VILL: variants seen among roughly 807,000 people sequenced by gnomAD.
VILL encodes the protein villin like.
In VILL, 102 loss-of-function variants were observed where a neutral mutation model predicts 106.3. The ratio of observed to expected loss-of-function variants is 0.96; its 90% confidence interval spans 0.82 to 1.13. VILL has a LOEUF of 1.13. Ranked by LOEUF, VILL falls within the 50% of genes most tolerant of loss-of-function variation. The pLI, the probability that VILL is intolerant of heterozygous loss-of-function variation, is 0.00. For synonymous variants in VILL, 431 were observed against 440.3 expected (o/e 0.98, Z 0.27); for missense variants, 1,076 against 1,116.6 (o/e 0.96, Z 0.52).
Position 38,007,147 on chromosome 3 carries a change from G to A in VILL, c.*92G>A. 4.6e-6 allele frequency: 5 copies of A among 1,079,814 alleles called. No individual in the cohort carries two copies. In the South Asian group the frequency reaches 5.5e-5, roughly 12 times the overall value. The allele number at this position is 1,079,814 out of a possible 1,614,324, so 66.9% of individuals were successfully genotyped here. On this transcript the variant is annotated 3_prime_UTR_variant, in exon 20 of 20. Transcript: ENST00000383759. Reference sequence around the variant, plus strand: ...GCTTCCACTCCCCTCAGAGGCTTTTGGTCATCCTCTGCGTGTCAGTAAAAG... The same window carrying A: ...GCTTCCACTCCCCTCAGAGGCTTTTAGTCATCCTCTGCGTGTCAGTAAAAG...
chr3:38,005,305 C>T (rs1041720014), intron 16 of VILL, among the ~76,000 whole-genome samples: 1 of 152,164 alleles, frequency 6.6e-6, no homozygotes, highest in African/African-American at 2.4e-5. Flanking sequence ...CTGCTGCAGC[C>T]ACAATGGCCT....
chr3:38,006,954 G>T lies in VILL; in HGVS notation c.2470G>T (p.Asp824Tyr), dbSNP rs1350548544. The change falls in exon 20 of 20, where the codon GAC (aspartate) becomes TAC (tyrosine). Residue 824 changes from aspartate (D) to tyrosine (Y), a missense_variant. Physicochemically the swap from Asp to Tyr is radical, Grantham distance 160. Transcript: ENST00000383759. ...DPARREFYLS[D>Y]SDFQDIFGKS... Reference sequence around the variant, plus strand: ...CTCCCCTGCCCAGTTCTATCTCTCAGACTCTGACTTCCAAGATATCTTTGG... The same window carrying T: ...CTCCCCTGCCCAGTTCTATCTCTCATACTCTGACTTCCAAGATATCTTTGG... The T allele has an allele frequency of 6.2e-7, 1 of 1,614,032 alleles. No individual in the cohort carries two copies. The highest frequency in any genetic ancestry group is 8.5e-7 in the Non-Finnish European group (1 of 1,179,924).
Position 37,999,003 on chromosome 3 carries a change from G to C in VILL, c.1034G>C (p.Arg345Pro), listed in dbSNP as rs1045816212. 1 of 1,607,996 alleles carries C rather than the reference G, an allele frequency of 6.2e-7. No homozygotes were observed. The highest frequency in any genetic ancestry group is 8.5e-7 in the Non-Finnish European group (1 of 1,177,358). The stretch of plus-strand genomic sequence containing the variant: ...TCGGCCGCGTTCAAGCAGCTCTTCC[G>C]GACTTGGTCTGAGAAGCGGCGCAGG... Reference protein sequence around the residue: ...AESAAFKQLFRTWSEKRRRNQ... With the variant: ...AESAAFKQLFPTWSEKRRRNQ... Residue 345 changes from arginine to proline, a missense_variant, in exon 10 of 20, where the codon CGG becomes CCG. Physicochemically the swap from Arg to Pro is moderately radical, Grantham distance 103. Coordinates refer to ENST00000383759, the MANE Select transcript of VILL (RefSeq NM_015873.4).
chr3:37,993,656 T>C lies in VILL; in HGVS notation c.-17T>C. 5 of 1,613,482 alleles carry C rather than the reference T, an allele frequency of 3.1e-6. No individual in the cohort carries two copies. Among genetic ancestry groups the C allele is most frequent in the Middle Eastern group, 1.7e-4 (1 of 6,060 alleles). On this transcript the variant is annotated 5_prime_UTR_variant, in exon 2 of 20. Transcript: ENST00000383759. ...CTGTTGTTCCTTGTGTCGTCCCATATTCCTGCCTGGCCTGCGATGGACATC... is the reference window on the plus strand; with the variant it reads ...CTGTTGTTCCTTGTGTCGTCCCATACTCCTGCCTGGCCTGCGATGGACATC...
chr3:37,995,752 G>C lies in VILL; in HGVS notation c.355G>C (p.Gly119Arg), dbSNP rs1260638117. 1 of 1,613,770 alleles carries C rather than the reference G, an allele frequency of 6.2e-7. No individual in the cohort carries two copies. The highest frequency in any genetic ancestry group is 1.1e-5 in the South Asian group (1 of 91,052). ...FRPGIIYRKG[G>R]LASDLKHVET... ...TTCCCACCTCAGCTACAGGAAGGGA[G>C]GCCTAGCATCTGACCTCAAGCATGT... The change falls in exon 5 of 20, where the codon GGC (glycine) becomes CGC (arginine). Residue 119 changes from glycine to arginine, a missense_variant. Gly to Arg is a moderately radical substitution (Grantham distance 125). Coordinates refer to ENST00000383759, the MANE Select transcript of VILL (RefSeq NM_015873.4).
rs1195757543 is a variant in VILL, at chr3:38,006,640, A to T, written c.2397A>T (p.Glu799Asp). 1 of 1,613,492 alleles carries T rather than the reference A, an allele frequency of 6.2e-7. No homozygotes were observed. The highest frequency in any genetic ancestry group is 1.3e-5 in the African/African-American group (1 of 74,954). The change falls in exon 19 of 20, where the codon GAA becomes GAT. Residue 799 changes from glutamate (E) to aspartate (D), a missense_variant. By Grantham distance (45) the Glu-to-Asp change is conservative (BLOSUM62 2). Coordinates refer to ENST00000383759, the MANE Select transcript of VILL (RefSeq NM_015873.4). The part of the protein sequence containing the change: ...SATINGGLRR[E>D]QLMHQAVEDL... ...CGATCAACGGGGGCCTGCGCCGGGA[A>T]CAACTGATGCACCAGGCTGTTGAGG... is the stretch of plus-strand genomic sequence containing the variant.
intron 2 of VILL, 77 bp downstream of exon 2, chr3:37,993,809 C>A: frequency 6.2e-7 from 1 of 1,607,088 alleles, no homozygotes; most frequent in Non-Finnish European, 8.5e-7. Flanking sequence ...TCTCCCGCCC[C>A]CAACTCAGAG....
chr3:38,001,894 GC>G, intron 13 of VILL, 34 bp downstream of exon 13: 5 of 1,613,742 alleles, frequency 3.1e-6, no homozygotes, highest in Non-Finnish European at 3.4e-6. Context: ...GCCACAGCCT[GC>G]CCAGTTCTGC....
chr3:37,998,773 T>C lies in VILL; in HGVS notation c.943-139T>C, dbSNP rs918497999. The C allele has an allele frequency of 3.6e-6, 5 of 1,394,336 alleles. 1 individual carries two copies. Among genetic ancestry groups the C allele is most frequent in the Non-Finnish European group, 4.7e-6 (5 of 1,064,216 alleles). 86.4% of individuals were successfully genotyped at this position (1,394,336 alleles called of 1,614,324 possible). A position where few individuals can be genotyped will look rare whatever the true frequency, so the allele number is the denominator to read the frequency against. On this transcript the variant is annotated intron_variant, in intron 9 of 19. Transcript: ENST00000383759. The surrounding 1 kb of genome is among the most constrained non-coding windows in gnomAD (Gnocchi z 4.1). ...CTCAGAGAAGTCGGTGGTGACAGAG[T>C]CAATTCGCTAAGTGGGTCATGAGCT...
At chr3:37,996,008 T>C (rs1383858150) in intron 5 of VILL, among the ~76,000 whole-genome samples, 161 bp downstream of exon 5, 1 of 152,206 alleles carries the variant, frequency 6.6e-6, no homozygotes, top group Non-Finnish European at 1.5e-5. Flanking sequence ...ACCAGGCTTC[T>C]AGCCCCACTT....
rs1699854926 is a variant in VILL at position 38,003,306 on chromosome 3, A to C, written c.1798A>C (p.Asn600His). 1.2e-6 allele frequency: 2 copies of C among 1,607,892 alleles called. No homozygotes were observed. Among genetic ancestry groups the C allele is most frequent in the Non-Finnish European group, 1.7e-6 (2 of 1,177,828 alleles). ...ALGGRAPYPS[N>H]KRLPEEVPSF... ...GGGAGGCCGGGCCCCCTACCCCAGCAACAAGAGGTAACAGGGTTGGGAGGA... is the reference window on the plus strand; with the variant it reads ...GGGAGGCCGGGCCCCCTACCCCAGCCACAAGAGGTAACAGGGTTGGGAGGA... Residue 600 changes from asparagine (N) to histidine (H), a missense_variant, in exon 15 of 20, where the codon AAC (asparagine) becomes CAC (histidine). By Grantham distance (68) the Asn-to-His change is moderately conservative (BLOSUM62 1). Coordinates refer to ENST00000383759, the MANE Select transcript of VILL (RefSeq NM_015873.4).
Position 38,001,729 on chromosome 3 carries a change from G to A in VILL, c.1348G>A (p.Glu450Lys). Reference protein sequence around the residue: ...QGHQATADEIEALNSNAEELD... With the variant: ...QGHQATADEIKALNSNAEELD... ...CCACCAGGCCACTGCGGATGAGATT[G>A]AGGCCCTGAACAGCAACGCTGAGGA... Residue 450 changes from glutamate (E) to lysine (K), a missense_variant, in exon 13 of 20, where the codon GAG (glutamate) becomes AAG (lysine). Physicochemically the swap from Glu to Lys is moderately conservative, Grantham distance 56. Coordinates refer to ENST00000383759, the MANE Select transcript of VILL (RefSeq NM_015873.4). 1 of 1,614,246 alleles carries A rather than the reference G, an allele frequency of 6.2e-7. No homozygotes were observed. The highest frequency in any genetic ancestry group is 8.5e-7 in the Non-Finnish European group (1 of 1,180,028).
chr3:37,992,325 C>T (rs962993123), intron 1 of VILL, among the ~76,000 whole-genome samples: 4 of 152,256 alleles, frequency 2.6e-5, no homozygotes, highest in Middle Eastern at 3.4e-3. Flanking sequence ...AATGTCCTCA[C>T]GTTTTCTGTT....
intron 16 of VILL, 25 bp downstream of exon 16, chr3:38,004,424 G>A: frequency 6.3e-7 from 1 of 1,597,134 alleles, no homozygotes; most frequent in Non-Finnish European, 8.6e-7. Flanking sequence ...CCTGCCTGGT[G>A]GGGCTGTGAA....
Position 37,997,944 on chromosome 3 carries a change from G to A in VILL, c.765-146G>A. ...CTGCCTAAAGCTCCACAGCAAGGCT[G>A]CAGTAAAAGTGAAGACTACAACTCG... On this transcript the variant is annotated intron_variant, in intron 7 of 19. Transcript: ENST00000383759. The surrounding 1 kb of genome is among the most constrained non-coding windows in gnomAD (Gnocchi z 4.7). The A allele has an allele frequency of 1.2e-6, 1 of 835,270 alleles. No individual in the cohort carries two copies. The highest frequency in any genetic ancestry group is 1.8e-6 in the Non-Finnish European group (1 of 546,572). 51.7% of individuals were successfully genotyped at this position (835,270 alleles called of 1,614,324 possible). A position where few individuals can be genotyped will look rare whatever the true frequency, so the allele number is the denominator to read the frequency against.
intron 5 of VILL, among the ~76,000 whole-genome samples, chr3:37,996,077 A>G (rs368517635): frequency 6.1e-4 from 93 of 152,278 alleles, no homozygotes; most frequent in Middle Eastern, 3.4e-3. Context: ...TATTGAGAAC[A>G]TGGGCACAGC....
In VILL at chr3:38,002,392, A is replaced by G. The variant is rs1458338274; in HGVS notation, c.1480-4A>G. ...GCCCAGCCTGAGGCCTTGCTCTCCT[A>G]TAGGAGAGAGCTGGGCACCATGGAA... On this transcript the variant is annotated splice_polypyrimidine_tract_variant and splice_region_variant and intron_variant, in intron 13 of 19. Transcript: ENST00000383759. 2 of 1,609,114 alleles carry G rather than the reference A, an allele frequency of 1.2e-6. No homozygotes were observed. Among genetic ancestry groups the G allele is most frequent in the African/African-American group, 2.7e-5 (2 of 74,918 alleles).
At chr3:38,000,459 T>G (rs1575337509) in intron 11 of VILL, among the ~76,000 whole-genome samples, 24 of 135,672 alleles carry the variant, frequency 1.8e-4, no homozygotes, top group Admixed American at 3.6e-4. Flanking sequence ...AGAGAGGGGG[T>G]ACAGGGAGAA....
chr3:38,003,412 GAGACT>G, intron 15 of VILL, 99 bp downstream of exon 15: 1 of 1,412,212 alleles, frequency 7.1e-7, no homozygotes. Flanking sequence ...CTGGCAAGAC[GAGACT>G]AGAACCAAGG....
Sources: allele counts gnomAD v4.1 joint callset (sites outside exome capture counted in the v4.1 genomes callset), GRCh38; gene constraint gnomAD v4.1.1; non-coding constraint Gnocchi (gnomAD v3.1); transcripts MANE v1.5; gene names NCBI Gene and HGNC (gene_info 2026-07-23, HGNC 2026-07-21).